Variants in POC1B observed in about 807,000 individuals in gnomAD.
POC1B encodes POC1 centriolar protein B, also known as POC1 centriolar protein homolog B.
Under a neutral mutation model 60.6 loss-of-function variants are expected in POC1B, and 44 were observed. The observed-to-expected ratio is 0.73, with a 90% CI of 0.57 to 0.93. The LOEUF (loss-of-function observed/expected upper bound fraction) is 0.93. POC1B is among the 40% of genes least tolerant of loss of function. POC1B has a pLI of 0.00. For missense variants in POC1B, 555 were observed against 572.3 expected, an observed-to-expected ratio of 0.97 and a Z score of 0.31; for synonymous variants, 180 against 198.9, an observed-to-expected ratio of 0.90 and a Z score of 0.80.
At chr12:89,421,451 G>GAGAAA (rs1046695220) in intron 11 of POC1B, among the ~76,000 whole-genome samples, 194 bp from the exon 12 acceptor site, 1 of 152,046 alleles carries the variant, frequency 6.6e-6, no homozygotes, top group African/African-American at 2.4e-5. Context: ...CAAGCAGTTG[G>GAGAAA]AGAAAAGAAA....
chr12:89,460,029 G>GA (rs1882425532), intron 9 of POC1B: 2 of 400,214 alleles, frequency 5.0e-6, no homozygotes, highest in African/African-American at 2.1e-5. Flanking sequence ...AAAAGATGAA[G>GA]AAAAAAATCC....
intron 10 of POC1B, among the ~76,000 whole-genome samples, chr12:89,457,391 C>A (rs1053874574): frequency 1.3e-5 from 2 of 152,148 alleles, no homozygotes; most frequent in East Asian, 3.8e-4. Context: ...AAGAGATACA[C>A]ATTGAAAATT....
At chr12:89,434,870 A>T (rs1012554080) in intron 10 of POC1B, among the ~76,000 whole-genome samples, 15 of 152,244 alleles carry the variant, frequency 9.9e-5, no homozygotes, top group African/African-American at 3.6e-4. Flanking sequence ...AGAAAAAAAT[A>T]AGATATTTTC....
intron 4 of POC1B, among the ~76,000 whole-genome samples, chr12:89,478,578 A>G (rs1883205464): frequency 6.6e-6 from 1 of 152,188 alleles, no homozygotes; most frequent in Non-Finnish European, 1.5e-5. Context: ...TTAAAAAAAA[A>G]AGTTTTAAGG....
intron 10 of POC1B, among the ~76,000 whole-genome samples, chr12:89,444,231 G>A (rs561006721): frequency 2.6e-4 from 40 of 152,274 alleles, no homozygotes; most frequent in African/African-American, 9.4e-4. Context: ...CAGAAAATGA[G>A]AGAATCCTCC....
chr12:89,469,004 C>G (rs1296589195), intron 7 of POC1B, among the ~76,000 whole-genome samples: 1 of 152,198 alleles, frequency 6.6e-6, no homozygotes, highest in African/African-American at 2.4e-5. Context: ...GTGGCTTACA[C>G]TTGTAATCCC....
chr12:89,522,493 T>C, intron 2 of POC1B: 1 of 345,558 alleles, frequency 2.9e-6, no homozygotes, highest in Non-Finnish European at 5.1e-6. Flanking sequence ...CTTGGACCTT[T>C]ACATTCTTTA....
intron 4 of POC1B, among the ~76,000 whole-genome samples, chr12:89,474,418 G>A (rs879663723): frequency 7.2e-5 from 11 of 152,078 alleles, no homozygotes; most frequent in African/African-American, 2.7e-4. Context: ...AAATATAGAA[G>A]TACTTACCCT....
At chr12:89,506,155 T>G in intron 2 of POC1B, among the ~76,000 whole-genome samples, 1 of 152,112 alleles carries the variant, frequency 6.6e-6, no homozygotes, top group Admixed American at 6.5e-5. Context: ...CAGGGAGAGG[T>G]TCTGACTGTA....
intron 7 of POC1B, among the ~76,000 whole-genome samples, chr12:89,469,278 A>C (rs1232811386): frequency 2.0e-5 from 3 of 152,112 alleles, no homozygotes; most frequent in Non-Finnish European, 4.4e-5. Context: ...AGAAATAATA[A>C]ATTTAAAAAA....
chr12:89,402,704 A>T, the POC1B span, among the ~76,000 whole-genome samples: 2 of 152,114 alleles, frequency 1.3e-5, no homozygotes, highest in Non-Finnish European at 2.9e-5. Flanking sequence ...ACGTGATCTC[A>T]TTCTTTTTTA....
At position 89,450,204 on chromosome 12, in the gene POC1B, ATCT is replaced by A. The variant is rs112347795; in HGVS notation, c.1113+9431_1113+9433del. Among the ~76,000 whole-genome samples, 206 of 152,160 alleles carry A rather than the reference ATCT, an allele frequency of 1.4e-3. 1 individual carries two copies. The highest frequency in any genetic ancestry group is 2.1e-3 in the Non-Finnish European group (140 of 67,988). Reference sequence around the variant, plus strand: ...ATTTGTAGCACATGGCAAGAGGTAAATCTTCTTCTTTTTTTTTTTTTGAGATGG... The same window carrying A: ...ATTTGTAGCACATGGCAAGAGGTAAATCTTCTTTTTTTTTTTTTGAGATGG... On this transcript the variant is annotated intron_variant, in intron 10 of 11. Coordinates refer to ENST00000313546, the MANE Select transcript of POC1B (RefSeq NM_172240.3).
intron 2 of POC1B, among the ~76,000 whole-genome samples, chr12:89,508,065 C>G (rs912656002): frequency 6.6e-6 from 1 of 152,222 alleles, no homozygotes; most frequent in Admixed American, 6.5e-5. Flanking sequence ...CCTGGTTCTC[C>G]TTCCCAGAAG....
At chr12:89,412,639 T>C in the POC1B span, among the ~76,000 whole-genome samples, 2 of 149,984 alleles carry the variant, frequency 1.3e-5, no homozygotes, top group Non-Finnish European at 3.0e-5. Flanking sequence ...ATCGCACCAA[T>C]GCACTCCAGC....
At chr12:89,486,115 T>C (rs185847360) in intron 4 of POC1B, among the ~76,000 whole-genome samples, 1 of 152,340 alleles carries the variant, frequency 6.6e-6, no homozygotes, top group East Asian at 1.9e-4. Flanking sequence ...ATATTTGCTG[T>C]CTGTCTCTCT....
intron 4 of POC1B, among the ~76,000 whole-genome samples, chr12:89,489,933 C>T (rs188330293): frequency 2.0e-5 from 3 of 152,310 alleles, no homozygotes; most frequent in Admixed American, 1.3e-4. Flanking sequence ...GCACAGGCTC[C>T]AGGATAGGCC....
chr12:89,515,679 C>CA (rs1442453501), intron 2 of POC1B, among the ~76,000 whole-genome samples: 1 of 152,138 alleles, frequency 6.6e-6, no homozygotes, highest in Non-Finnish European at 1.5e-5. Context: ...AGGATCTTGT[C>CA]ACCAGCAGAA....
Position 89,525,155 on chromosome 12 carries a change from G to A in POC1B, c.65C>T (p.Thr22Ile), listed in dbSNP as rs371787212. ...RYFKGHKAAI[T>I]SLDLSPNGKQ... The stretch of plus-strand genomic sequence containing the variant: ...GCCGTTGGGGCTGAGGTCCAAGGAG[G>A]TGATCGCAGCTTTGTGGCCTTTGAA... The change falls in exon 2 of 12, where the codon ACC (threonine) becomes ATC (isoleucine). Residue 22 changes from threonine (T) to isoleucine (I), a missense_variant. By Grantham distance (89) the Thr-to-Ile change is moderately conservative. Transcript: ENST00000313546. 2.5e-6 allele frequency: 4 copies of A among 1,613,934 alleles called. No homozygotes were observed. In the African/African-American group the frequency reaches 4.0e-5, roughly 16 times the overall value.
the POC1B span, among the ~76,000 whole-genome samples, chr12:89,413,726 CA>C: frequency 6.6e-6 from 1 of 151,900 alleles, no homozygotes; most frequent in South Asian, 2.1e-4. Flanking sequence ...TACCCTTGGC[CA>C]AAAAAGTGAA....
Sources: allele counts gnomAD v4.1 joint callset (sites outside exome capture counted in the v4.1 genomes callset), GRCh38; gene constraint gnomAD v4.1.1; transcripts MANE v1.5; gene names NCBI Gene and HGNC (gene_info 2026-07-23, HGNC 2026-07-21).